The following FAM3C variants were observed in gnomAD, a reference collection of about 807,000 sequenced individuals.
The protein encoded by FAM3C is protein FAM3C.
In FAM3C, 15 loss-of-function variants were observed where a neutral mutation model predicts 32.5. The observed-to-expected ratio is 0.46, with a 90% CI of 0.31 to 0.71. FAM3C has a LOEUF of 0.71. Ranked by LOEUF, FAM3C falls within the 30% of genes least tolerant of loss-of-function variation. The probability of loss-of-function intolerance (pLI) is 0.05; values close to 1 mark genes in which losing one functional copy is unlikely to be tolerated. For synonymous variants in FAM3C, 75 were observed against 86.1 expected (o/e 0.87, Z 0.72); for missense variants, 175 against 274.4 (o/e 0.64, Z 2.56).
rs990891636 is a variant in FAM3C, at chr7:121,350,408, G to C, written c.*53C>G. On this transcript the variant is annotated 3_prime_UTR_variant, in exon 10 of 10. Transcript: ENST00000359943. ...TTTACACATAGCTCTGCCATTTATAGCTCTCCCATTAAGAGTGAAAGTGCG... is the reference window on the plus strand; with the variant it reads ...TTTACACATAGCTCTGCCATTTATACCTCTCCCATTAAGAGTGAAAGTGCG... 4.0e-5 allele frequency: 64 copies of C among 1,608,886 alleles called. No homozygotes were observed. In the African/African-American group the frequency reaches 7.6e-4, roughly 19 times the overall value.
intron 3 of FAM3C, among the ~76,000 whole-genome samples, chr7:121,374,776 A>G (rs1794209739): frequency 6.6e-6 from 1 of 152,250 alleles, no homozygotes; most frequent in East Asian, 1.9e-4. Context: ...TCAAATAGCT[A>G]AAATGCACAC....
chr7:121,361,168 T>C (rs1031529504), intron 7 of FAM3C, among the ~76,000 whole-genome samples: 2 of 152,292 alleles, frequency 1.3e-5, no homozygotes, highest in African/African-American at 4.8e-5. Context: ...TGATGCCAGA[T>C]ACATAGGTCA....
intron 4 of FAM3C, 120 bp downstream of exon 4, chr7:121,371,990 T>C (rs1173069403): frequency 1.4e-6 from 1 of 706,144 alleles, no homozygotes; most frequent in Non-Finnish European, 2.4e-6. Context: ...CCTCATAACT[T>C]TAAAAAGCAA....
At chr7:121,376,224 G>T (rs1265058219) in intron 3 of FAM3C, among the ~76,000 whole-genome samples, 2 of 152,192 alleles carry the variant, frequency 1.3e-5, no homozygotes. Flanking sequence ...TTCATTTTAG[G>T]ATGTGTGCTG....
chr7:121,372,635 A>G (rs1007869908), intron 3 of FAM3C, among the ~76,000 whole-genome samples: 1 of 152,264 alleles, frequency 6.6e-6, no homozygotes, highest in East Asian at 1.9e-4. Flanking sequence ...AAGATTTACA[A>G]TTTATCAGTT....
intron 1 of FAM3C, among the ~76,000 whole-genome samples, chr7:121,383,884 T>C (rs1327610259): frequency 5.3e-5 from 8 of 152,196 alleles, no homozygotes; most frequent in Admixed American, 6.5e-5. Flanking sequence ...AAAGGAAATT[T>C]TGATGGATGA....
At chr7:121,383,079 G>A in intron 1 of FAM3C, 69 bp from the exon 2 acceptor site, 1 of 784,624 alleles carries the variant, frequency 1.3e-6, no homozygotes, top group Non-Finnish European at 2.1e-6. Context: ...GATTGAGTTT[G>A]AAATGGGGCA....
At position 121,349,309 on chromosome 7, in the gene FAM3C, ATATATT is replaced by A. The variant is rs1793649250; in HGVS notation, c.*1146_*1151del. On this transcript the variant is annotated 3_prime_UTR_variant, in exon 10 of 10. Transcript: ENST00000359943. ...CAGTTTGAGATACTTCATACACAACATATATTTAATGCCCTGAAAACTTCTGCTTAA... is the reference window on the plus strand; with the variant it reads ...CAGTTTGAGATACTTCATACACAACATAATGCCCTGAAAACTTCTGCTTAA... 6.6e-6 allele frequency: 1 copy of A among 152,224 alleles called. No individual in the cohort carries two copies. The highest frequency in any genetic ancestry group is 1.5e-5 in the Non-Finnish European group (1 of 67,930). 9.4% of individuals were successfully genotyped at this position (152,224 alleles called of 1,614,324 possible).
At chr7:121,370,922 C>T (rs149617303) in intron 5 of FAM3C, among the ~76,000 whole-genome samples, 110 of 152,316 alleles carry the variant, frequency 7.2e-4, no homozygotes, top group African/African-American at 2.6e-3. Context: ...ACTGCGGTGA[C>T]AGATACCAAG....
intron 2 of FAM3C, among the ~76,000 whole-genome samples, chr7:121,381,103 C>G (rs1009177400): frequency 6.6e-6 from 1 of 152,160 alleles, no homozygotes; most frequent in African/African-American, 2.4e-5. Flanking sequence ...ACTCCAGGAC[C>G]AGCATCCCAT....
At chr7:121,383,297 G>A (rs1794397354) in intron 1 of FAM3C, among the ~76,000 whole-genome samples, 1 of 152,092 alleles carries the variant, frequency 6.6e-6, no homozygotes, top group Non-Finnish European at 1.5e-5. Flanking sequence ...TATTCTCATG[G>A]ATTATGCATC....
intron 3 of FAM3C, among the ~76,000 whole-genome samples, chr7:121,374,047 T>C (rs530218234): frequency 1.3e-5 from 2 of 150,664 alleles, no homozygotes; most frequent in East Asian, 1.9e-4. Context: ...TGCAGCAATA[T>C]AGACAAAAAT....
At chr7:121,393,274 T>C (rs1325954584) in intron 1 of FAM3C, among the ~76,000 whole-genome samples, 1 of 152,036 alleles carries the variant, frequency 6.6e-6, no homozygotes, top group Non-Finnish European at 1.5e-5. Context: ...TGCAAAATAG[T>C]AAGATCCCGT....
chr7:121,376,244 C>T (rs1010046987), intron 3 of FAM3C, among the ~76,000 whole-genome samples: 4 of 152,150 alleles, frequency 2.6e-5, no homozygotes, highest in Non-Finnish European at 4.4e-5. Context: ...GAAAAACAAA[C>T]AAGTTTAGGA....
chr7:121,363,258 G>C (rs2707475), intron 6 of FAM3C, among the ~76,000 whole-genome samples: 38,871 of 151,938 alleles, frequency 0.26, 5,956 homozygotes, highest in African/African-American at 0.44. Flanking sequence ...ATATTTCATC[G>C]TTGTTTCCAT....
Position 121,375,383 on chromosome 7 carries a change from T to C in FAM3C, c.119-3244A>G, listed in dbSNP as rs562886475. Among the ~76,000 whole-genome samples, 5 of 152,212 alleles carry C rather than the reference T, an allele frequency of 3.3e-5. No homozygotes were observed. In the East Asian group the frequency reaches 7.7e-4, roughly 24 times the overall value. On this transcript the variant is annotated intron_variant, in intron 3 of 9. Transcript: ENST00000359943. ...CAGACTGGCACAAGAGTGTGACCCA[T>C]GCAGGAAGGAGGGGTGAAGACCAGC...
chr7:121,353,360 C>G (rs1793744844), intron 8 of FAM3C, among the ~76,000 whole-genome samples: 1 of 152,142 alleles, frequency 6.6e-6, no homozygotes, highest in East Asian at 1.9e-4. Context: ...AGCCAGAGAT[C>G]AAGGAGAAAC....
chr7:121,377,167 G>A (rs1374764349), intron 3 of FAM3C, among the ~76,000 whole-genome samples: 3 of 151,876 alleles, frequency 2.0e-5, no homozygotes, highest in Non-Finnish European at 4.4e-5. Flanking sequence ...CTTTCCCCTC[G>A]CTTCACTCTG....
intron 1 of FAM3C, among the ~76,000 whole-genome samples, chr7:121,383,893 G>A (rs1794411573): frequency 6.6e-6 from 1 of 152,172 alleles, no homozygotes; most frequent in Admixed American, 6.5e-5. Flanking sequence ...TTTGATGGAT[G>A]AATCCCATTT....
Sources: allele counts gnomAD v4.1 joint callset (sites outside exome capture counted in the v4.1 genomes callset), GRCh38; gene constraint gnomAD v4.1.1; transcripts MANE v1.5; gene names NCBI Gene and HGNC (gene_info 2026-07-23, HGNC 2026-07-21).